Variants in LOXL1 observed in about 807,000 individuals in gnomAD.
LOXL1 encodes lysyl oxidase like 1, also known as lysyl oxidase homolog 1.
Under a neutral mutation model 62.2 loss-of-function variants are expected in LOXL1, and 31 were observed. That is an observed-to-expected ratio of 0.50 (90% CI 0.37 to 0.67). The LOEUF is 0.67. LOXL1 is among the 30% of genes least tolerant of loss of function. The pLI, the probability that LOXL1 is intolerant of heterozygous loss-of-function variation, is 0.00. For missense variants in LOXL1, 775 were observed against 843.4 expected, an observed-to-expected ratio of 0.92 and a Z score of 1.00; for synonymous variants, 403 against 384.4, an observed-to-expected ratio of 1.05 and a Z score of -0.56.
intron 5 of LOXL1, among the ~76,000 whole-genome samples, 160 bp downstream of exon 5, chr15:73,948,062 C>T (rs985074936): frequency 2.0e-5 from 3 of 152,186 alleles, no homozygotes; most frequent in South Asian, 4.1e-4. Flanking sequence ...GCTTCCCAGC[C>T]GAAGATTTAG....
chr15:73,928,250 A>C, intron 1 of LOXL1: 4 of 222,152 alleles, frequency 1.8e-5, no homozygotes, highest in African/African-American at 2.3e-5. Flanking sequence ...CCTCATTTCA[A>C]TGAGGGCATC....
chr15:73,946,109 G>A (rs2068745253), intron 2 of LOXL1, among the ~76,000 whole-genome samples: 1 of 152,200 alleles, frequency 6.6e-6, no homozygotes, highest in African/African-American at 2.4e-5. Context: ...CCCCAGCTGA[G>A]TCACCTGCAG....
chr15:73,927,704 G>A lies in LOXL1; in HGVS notation c.921G>A (p.Leu307=). Residue 307 remains leucine, a synonymous_variant, in exon 1 of 7, where the codon CTG becomes CTA. Transcript: ENST00000261921. The part of the protein sequence containing the change: ...AAQAHGGDPR[L]GWYPPYANPP... ...AGGCCCATGGCGGAGACCCACGCCT[G>A]GGCTGGTACCCGCCCTACGCCAACC... The A allele has an allele frequency of 6.8e-7, 1 of 1,478,754 alleles. No homozygotes were observed. Among genetic ancestry groups the A allele is most frequent in the South Asian group, 1.3e-5 (1 of 78,078 alleles). The allele number at this position is 1,478,754 out of a possible 1,614,324, so 91.6% of individuals were successfully genotyped here. A position where few individuals can be genotyped will look rare whatever the true frequency, so the allele number is the denominator to read the frequency against.
chr15:73,942,832 T>G, intron 1 of LOXL1, 22 bp from the exon 2 acceptor site: 1 of 1,477,450 alleles, frequency 6.8e-7, no homozygotes, highest in Non-Finnish European at 9.5e-7. Context: ...CCTCCCCCCT[T>G]CTCTCCCACT....
intron 1 of LOXL1, among the ~76,000 whole-genome samples, chr15:73,936,033 G>T (rs560151770): frequency 1.3e-5 from 2 of 150,750 alleles, no homozygotes; most frequent in South Asian, 4.2e-4. Context: ...GAGTCAGGGG[G>T]TAAAAAAGGT....
chr15:73,940,781 G>T (rs2068708685), intron 1 of LOXL1, among the ~76,000 whole-genome samples: 1 of 152,236 alleles, frequency 6.6e-6, no homozygotes, highest in Admixed American at 6.5e-5. Context: ...TGTGTACATA[G>T]TCAGGGCTGG....
At chr15:73,927,967 A>C in intron 1 of LOXL1, 82 bp downstream of exon 1, 1 of 1,222,208 alleles carries the variant, frequency 8.2e-7, no homozygotes, top group South Asian at 2.8e-5. Flanking sequence ...GCCCCTCCTT[A>C]GAACTTCCTG....
At chr15:73,938,643 G>A (rs563982331) in intron 1 of LOXL1, among the ~76,000 whole-genome samples, 9 of 152,308 alleles carry the variant, frequency 5.9e-5, no homozygotes, top group East Asian at 1.9e-4. Context: ...CCCGGGAAGC[G>A]GATGTTGCAG....
intron 1 of LOXL1, among the ~76,000 whole-genome samples, chr15:73,942,405 G>C (rs958392212): frequency 6.6e-5 from 10 of 152,124 alleles, no homozygotes; most frequent in African/African-American, 2.2e-4. Flanking sequence ...GCAGGGATGA[G>C]AGGAACGGAG....
intron 1 of LOXL1, among the ~76,000 whole-genome samples, chr15:73,932,875 T>G (rs1446258403): frequency 6.6e-6 from 1 of 152,154 alleles, no homozygotes; most frequent in Non-Finnish European, 1.5e-5. Flanking sequence ...GAAAGCTGTG[T>G]CGGATCAGAC....
intron 1 of LOXL1, among the ~76,000 whole-genome samples, chr15:73,940,692 C>T (rs540197873): frequency 4.6e-5 from 7 of 152,166 alleles, no homozygotes; most frequent in Non-Finnish European, 8.8e-5. Context: ...CCAAGGTCAG[C>T]GCTTAATGTG....
At chr15:73,927,910 C>G in intron 1 of LOXL1, 25 bp downstream of exon 1, 2 of 1,297,854 alleles carry the variant, frequency 1.5e-6, no homozygotes, top group Non-Finnish European at 1.9e-6. Flanking sequence ...GGCGCCCCTC[C>G]GGCCGCGCGT....
rs1355963805 is a variant in LOXL1 at position 73,927,597 on chromosome 15, C to T, written c.814C>T (p.Arg272Cys). The T allele has an allele frequency of 6.7e-7, 1 of 1,502,046 alleles. No individual in the cohort carries two copies. The highest frequency in any genetic ancestry group is 1.2e-5 in the South Asian group (1 of 80,394). The allele number at this position is 1,502,046 out of a possible 1,614,324, so 93.0% of individuals were successfully genotyped here. The change falls in exon 1 of 7, where the codon CGC (arginine) becomes TGC (cysteine). Residue 272 changes from arginine (R) to cysteine (C), a missense_variant. Transcript: ENST00000261921. Reference sequence around the variant, plus strand: ...GCCGCCGCCCCCCGACGGCCTGGACCGCCGCTACTCGCACAGTCTGTACAG... The same window carrying T: ...GCCGCCGCCCCCCGACGGCCTGGACTGCCGCTACTCGCACAGTCTGTACAG... ...PPPPPPDGLD[R>C]RYSHSLYSEG...
rs983311332 is a variant in LOXL1 at position 73,945,335 on chromosome 15, G to A, written c.1212-1082G>A. Among the ~76,000 whole-genome samples, 2 of 152,310 alleles carry A rather than the reference G, an allele frequency of 1.3e-5. No homozygotes were observed. The highest frequency in any genetic ancestry group is 4.8e-5 in the African/African-American group (2 of 41,568). On this transcript the variant is annotated intron_variant, in intron 2 of 6. Transcript: ENST00000261921. This position sits in a 1 kb window ranked among gnomAD's most constrained non-coding sequence, Gnocchi z 4.3. ...GATGTAGATGGTATCGGGCTGTGCT[G>A]CAGTCAGTGCTGTTAGAGCTCACAG... is the stretch of plus-strand genomic sequence containing the variant.
At chr15:73,929,140 GA>G (rs1446727713) in intron 1 of LOXL1, among the ~76,000 whole-genome samples, 1 of 152,232 alleles carries the variant, frequency 6.6e-6, no homozygotes, top group Non-Finnish European at 1.5e-5. Flanking sequence ...TGCTGTCCTA[GA>G]ATCCCCCTCC....
intron 1 of LOXL1, chr15:73,941,852 GTT>G (rs2068715816): frequency 5.8e-6 from 1 of 172,362 alleles, no homozygotes; most frequent in African/African-American, 2.4e-5. Context: ...GGACACCTAA[GTT>G]TGGTTTCTGC....
chr15:73,928,929 G>A (rs543156599), intron 1 of LOXL1, among the ~76,000 whole-genome samples: 9 of 151,572 alleles, frequency 5.9e-5, no homozygotes, highest in East Asian at 5.8e-4. Flanking sequence ...TGGCCCTGGC[G>A]GAGAGCCCCA....
At chr15:73,949,155 G>T (rs2068767225) in intron 5 of LOXL1, among the ~76,000 whole-genome samples, 1 of 152,152 alleles carries the variant, frequency 6.6e-6, no homozygotes, top group Non-Finnish European at 1.5e-5. Context: ...CCTCATTACT[G>T]CATTCCCTCG....
At chr15:73,943,320 T>A (rs781753562) in intron 2 of LOXL1, among the ~76,000 whole-genome samples, 1 of 152,226 alleles carries the variant, frequency 6.6e-6, no homozygotes, top group Non-Finnish European at 1.5e-5. Flanking sequence ...AGCTGTTTAA[T>A]GAGAAGGTTC....
Sources: gnomAD v4.1 joint callset for allele counts (sites outside exome capture counted in the v4.1 genomes callset) on GRCh38, gnomAD v4.1.1 for gene constraint, Gnocchi (gnomAD v3.1) non-coding constraint, MANE v1.5 for transcripts, NCBI Gene and HGNC (gene_info 2026-07-23, HGNC 2026-07-21) for gene names.